Variants in RLF observed in about 807,000 individuals in gnomAD.
RLF encodes RLF zinc finger.
A neutral mutation model predicts 162.9 loss-of-function variants in RLF; 7 were observed. That is an observed-to-expected ratio of 0.04 (90% confidence interval 0.02 to 0.08). The LOEUF (loss-of-function observed/expected upper bound fraction) is 0.08, where lower values mean the gene tolerates loss of function less well. Among genes scored for constraint, RLF ranks in the 10% least tolerant of loss-of-function variants. The pLI is 1.00. For missense variants in RLF, 1,664 were observed against 2,244.7 expected, an observed-to-expected ratio of 0.74 and a Z score of 5.23; for synonymous variants, 782 against 791.5, an observed-to-expected ratio of 0.99 and a Z score of 0.20.
At chr1:40,230,892 G>T (rs1312376613) in intron 6 of RLF, among the ~76,000 whole-genome samples, 1 of 152,100 alleles carries the variant, frequency 6.6e-6, no homozygotes, top group East Asian at 1.9e-4. Flanking sequence ...CCCATTAAAT[G>T]TTTTTGTTTA....
At chr1:40,173,133 A>G (rs1425575016) in intron 1 of RLF, among the ~76,000 whole-genome samples, 3 of 147,162 alleles carry the variant, frequency 2.0e-5, no homozygotes, top group Admixed American at 1.4e-4. Flanking sequence ...CTGGAGTGCA[A>G]TGGTGCGATC....
intron 1 of RLF, among the ~76,000 whole-genome samples, chr1:40,167,374 G>A (rs1448881426): frequency 6.6e-6 from 1 of 152,168 alleles, no homozygotes; most frequent in Non-Finnish European, 1.5e-5. Context: ...ATGACAAGTA[G>A]TTATCATAGC....
intron 5 of RLF, among the ~76,000 whole-genome samples, chr1:40,218,191 A>T (rs961197952): frequency 6.6e-6 from 1 of 152,170 alleles, no homozygotes; most frequent in Non-Finnish European, 1.5e-5. Flanking sequence ...GTCTTCTGTT[A>T]TCATTGGCCT....
intron 3 of RLF, among the ~76,000 whole-genome samples, chr1:40,193,148 A>C (rs938688986): frequency 6.7e-5 from 10 of 148,874 alleles, no homozygotes; most frequent in African/African-American, 2.2e-4. Flanking sequence ...AAAAAAAAAG[A>C]GCATCTTGTG....
chr1:40,223,890 C>T (rs957195233), intron 6 of RLF, among the ~76,000 whole-genome samples: 5 of 152,234 alleles, frequency 3.3e-5, no homozygotes, highest in African/African-American at 1.2e-4. Flanking sequence ...GTTTTCTTGG[C>T]ATAGGCCAAA....
At chr1:40,216,981 G>A (rs568531442) in intron 5 of RLF, among the ~76,000 whole-genome samples, 163 of 151,998 alleles carry the variant, frequency 1.1e-3, no homozygotes, top group African/African-American at 3.8e-3. Context: ...CCCAGGAGGC[G>A]GAGGTTGCAA....
At chr1:40,234,383 C>T (rs1375621419) in intron 7 of RLF, among the ~76,000 whole-genome samples, 1 of 152,110 alleles carries the variant, frequency 6.6e-6, no homozygotes, top group Non-Finnish European at 1.5e-5. Context: ...AAATAAGTGC[C>T]TAGGCTGTAG....
intron 1 of RLF, among the ~76,000 whole-genome samples, chr1:40,164,007 C>T (rs1263926402): frequency 6.6e-6 from 1 of 152,072 alleles, no homozygotes; most frequent in East Asian, 1.9e-4. Flanking sequence ...CTCTTGGTTT[C>T]ACATTTGAAA....
At chr1:40,229,880 C>T (rs555840449) in intron 6 of RLF, among the ~76,000 whole-genome samples, 22 of 151,974 alleles carry the variant, frequency 1.4e-4, no homozygotes, top group South Asian at 6.3e-4. Context: ...TCTGGGAGGC[C>T]GAGGCAGGCA....
intron 3 of RLF, among the ~76,000 whole-genome samples, chr1:40,194,581 A>T (rs1642603840): frequency 6.6e-6 from 1 of 151,024 alleles, no homozygotes; most frequent in Admixed American, 6.6e-5. Flanking sequence ...GCAAAACTCC[A>T]TCTCCAAAAA....
In RLF at chr1:40,237,423, A is replaced by G. The variant is rs1285370955; in HGVS notation, c.2721A>G (p.Ser907=). Reference sequence around the variant, plus strand: ...AGTTAAGTCATAGCTCTTCAGCTTCAATGAATGAAGAGCTAATTGACACAC... The same window carrying G: ...AGTTAAGTCATAGCTCTTCAGCTTCGATGAATGAAGAGCTAATTGACACAC... ...SDQLSHSSSA[S]MNEELIDTLD... The change falls in exon 8 of 8, where the codon TCA becomes TCG. Residue 907 remains serine (S), a synonymous_variant. Coordinates refer to ENST00000372771, the MANE Select transcript of RLF (RefSeq NM_012421.4). This position sits in a 1 kb window ranked among gnomAD's most constrained non-coding sequence, Gnocchi z 4.4. 5.0e-6 allele frequency: 8 copies of G among 1,613,892 alleles called. 1 individual carries two copies. The highest frequency in any genetic ancestry group is 6.8e-6 in the Non-Finnish European group (8 of 1,179,936).
intron 4 of RLF, among the ~76,000 whole-genome samples, chr1:40,201,100 T>C (rs1642713749): frequency 1.4e-5 from 1 of 71,196 alleles, no homozygotes; most frequent in South Asian, 5.2e-4. Context: ...ACCTGGGAGC[T>C]TGTGAGAAAA....
intron 1 of RLF, among the ~76,000 whole-genome samples, 178 bp from the exon 2 acceptor site, chr1:40,188,877 A>T (rs754042166): frequency 6.6e-5 from 10 of 152,360 alleles, no homozygotes; most frequent in Admixed American, 2.0e-4. Flanking sequence ...ACTCAGCAGA[A>T]ATCATTCATT....
intron 1 of RLF, among the ~76,000 whole-genome samples, chr1:40,174,042 A>G (rs1248808309): frequency 5.3e-5 from 8 of 152,190 alleles, no homozygotes; most frequent in African/African-American, 1.7e-4. Context: ...GAGTAACTGG[A>G]AAGACTGTAG....
intron 1 of RLF, among the ~76,000 whole-genome samples, chr1:40,182,756 G>GGT (rs1642422439): frequency 1.1e-3 from 56 of 48,914 alleles, no homozygotes; most frequent in African/African-American, 1.6e-3. Context: ...TAGATAGGTA[G>GGT]ATAGATAGAT....
In RLF at chr1:40,237,594, A is replaced by T. The variant is rs1239625144; in HGVS notation, c.2892A>T (p.Thr964=). 1.5e-5 allele frequency: 25 copies of T among 1,614,048 alleles called. No individual in the cohort carries two copies. In the East Asian group the frequency reaches 5.6e-4, roughly 36 times the overall value. The change falls in exon 8 of 8, where the codon ACA becomes ACT. Residue 964 remains threonine, a synonymous_variant. Coordinates refer to ENST00000372771, the MANE Select transcript of RLF (RefSeq NM_012421.4). The surrounding 1 kb of genome is among the most constrained non-coding windows in gnomAD (Gnocchi z 4.4). ...GTGGTTTTGATGGCTGTGGTTCCAC[A>T]TACAAAAATGCAAGAGGAATGCAGA... The part of the protein sequence containing the change: ...FTCGFDGCGS[T]YKNARGMQKH...
At chr1:40,190,244 G>T (rs145209975) in intron 2 of RLF, among the ~76,000 whole-genome samples, 38 of 152,098 alleles carry the variant, frequency 2.5e-4, no homozygotes, top group African/African-American at 8.7e-4. Flanking sequence ...AAATCTTCCT[G>T]TTATTTCTTT....
rs958364286 is a variant in RLF at position 40,201,585 on chromosome 1, C to T, written c.608-827C>T. ...AGCTTGCAGTGAGCCAAGATCGCGC[C>T]ACGGCACTCCAGCCTGGGTGACAGA... is the stretch of plus-strand genomic sequence containing the variant. On this transcript the variant is annotated intron_variant, in intron 4 of 7. Coordinates refer to ENST00000372771, the MANE Select transcript of RLF (RefSeq NM_012421.4). 4.1e-5 allele frequency among the ~76,000 whole-genome samples: 6 copies of T among 146,388 alleles called. No individual in the cohort carries two copies. The South Asian group carries it at 6.5e-4, about 16-fold the overall frequency.
chr1:40,199,934 T>C (rs1642688752), intron 4 of RLF, among the ~76,000 whole-genome samples: 1 of 152,250 alleles, frequency 6.6e-6, no homozygotes, highest in African/African-American at 2.4e-5. Context: ...AATTTTATTG[T>C]TGTATAATTG....
Sources: gnomAD v4.1 joint callset for allele counts (sites outside exome capture counted in the v4.1 genomes callset) on GRCh38, gnomAD v4.1.1 for gene constraint, Gnocchi (gnomAD v3.1) non-coding constraint, MANE v1.5 for transcripts, NCBI Gene and HGNC (gene_info 2026-07-23, HGNC 2026-07-21) for gene names.